The following FLRT2 variants were observed in gnomAD, a reference collection of about 807,000 sequenced individuals.
The protein encoded by FLRT2 is fibronectin leucine rich transmembrane protein 2.
FLRT2 carries 15 observed loss-of-function variants against 40.0 expected under a neutral mutation model. That is an observed-to-expected ratio of 0.38 (90% CI 0.25 to 0.58). The LOEUF (loss-of-function observed/expected upper bound fraction) is 0.58, where lower values mean the gene tolerates loss of function less well. FLRT2 is among the 20% of genes least tolerant of loss of function. FLRT2 has a pLI of 0.71. For missense variants in FLRT2, 726 were observed against 840.0 expected (o/e 0.86, Z 1.68); for synonymous variants, 380 against 336.8 (o/e 1.13, Z -1.41).
At chr14:85,588,009 G>A (rs533720626) in intron 1 of FLRT2, among the ~76,000 whole-genome samples, 33 of 151,778 alleles carry the variant, frequency 2.2e-4, no homozygotes, top group Non-Finnish European at 4.3e-4. Context: ...TCAGCTCACC[G>A]CAATCTCGGC....
chr14:85,535,892 G>GTTTTGTTTT (rs1566713949), intron 1 of FLRT2, among the ~76,000 whole-genome samples: 3 of 57,906 alleles, frequency 5.2e-5, no homozygotes, highest in Admixed American at 2.3e-4. Context: ...AAGGAATGCT[G>GTTTTGTTTT]TTTTTTTTTT....
rs189433823 is a variant in FLRT2, at chr14:85,570,736, C to A, written c.-377+40202C>A. Reference sequence around the variant, plus strand: ...AGCTGGGACTCCAGGCACCCGCCACCATGCCTGGCTAATTTTTTGTATTTT... The same window carrying A: ...AGCTGGGACTCCAGGCACCCGCCACAATGCCTGGCTAATTTTTTGTATTTT... On this transcript the variant is annotated intron_variant, in intron 1 of 1. Transcript: ENST00000330753. Among the ~76,000 whole-genome samples, 155 of 151,960 alleles carry A rather than the reference C, an allele frequency of 1.0e-3. 4 individuals are homozygous for A. Among genetic ancestry groups the A allele is most frequent in the Admixed American group, 1.0e-2 (152 of 15,268 alleles).
chr14:85,592,521 C>T (rs1188816655), intron 1 of FLRT2, among the ~76,000 whole-genome samples: 2 of 151,950 alleles, frequency 1.3e-5, no homozygotes, highest in African/African-American at 2.4e-5. Flanking sequence ...GGTGCAGTGG[C>T]GCAACGGCTG....
chr14:85,628,797 T>C lies in FLRT2; in HGVS notation c.*5300T>C, dbSNP rs940191192. 1 of 152,214 alleles carries C rather than the reference T, an allele frequency of 6.6e-6. No individual in the cohort carries two copies. The highest frequency in any genetic ancestry group is 1.5e-5 in the Non-Finnish European group (1 of 68,038). 9.4% of individuals were successfully genotyped at this position (152,214 alleles called of 1,614,324 possible). On this transcript the variant is annotated 3_prime_UTR_variant, in exon 2 of 2. Coordinates refer to ENST00000330753, the MANE Select transcript of FLRT2 (RefSeq NM_013231.6). ...GGGATTTTATGTAAAGTAACATCTA[T>C]GCTATTCTTGGGTACTTTTGCCAAG...
chr14:85,602,410 G>A (rs568690707), intron 1 of FLRT2, among the ~76,000 whole-genome samples: 5 of 152,284 alleles, frequency 3.3e-5, no homozygotes, highest in Admixed American at 3.3e-4. Context: ...TTCTCAATTG[G>A]AAGGCGAGAT....
intron 1 of FLRT2, among the ~76,000 whole-genome samples, chr14:85,583,111 A>G (rs1427425900): frequency 6.6e-6 from 1 of 152,188 alleles, no homozygotes; most frequent in Non-Finnish European, 1.5e-5. Context: ...AACTGTGTGC[A>G]GAAAATCGTT....
At chr14:85,597,477 GT>G (rs1409274608) in intron 1 of FLRT2, among the ~76,000 whole-genome samples, 3 of 152,166 alleles carry the variant, frequency 2.0e-5, no homozygotes, top group Non-Finnish European at 2.9e-5. Context: ...GGCAAAGTCT[GT>G]GAGCTTATTT....
At chr14:85,595,627 T>G (rs1892104122) in intron 1 of FLRT2, among the ~76,000 whole-genome samples, 3 of 152,152 alleles carry the variant, frequency 2.0e-5, no homozygotes, top group African/African-American at 7.2e-5. Flanking sequence ...TTGAAGTCTA[T>G]ATGAAAAGAG....
intron 1 of FLRT2, among the ~76,000 whole-genome samples, chr14:85,620,259 T>C (rs935254875): frequency 1.3e-5 from 2 of 152,220 alleles, no homozygotes; most frequent in Admixed American, 6.5e-5. Flanking sequence ...TTCTTTTTTT[T>C]CTTTGAATGA....
At position 85,631,603 on chromosome 14, in the gene FLRT2, T is replaced by C. The variant is rs1399691440; in HGVS notation, c.*8106T>C. 1 of 152,148 alleles carries C rather than the reference T, an allele frequency of 6.6e-6. No homozygotes were observed. The highest frequency in any genetic ancestry group is 1.9e-4 in the East Asian group (1 of 5,182). 9.4% of individuals were successfully genotyped at this position (152,148 alleles called of 1,614,324 possible). A position where few individuals can be genotyped will look rare whatever the true frequency, so the allele number is the denominator to read the frequency against. On this transcript the variant is annotated 3_prime_UTR_variant, in exon 2 of 2. Transcript: ENST00000330753. The stretch of plus-strand genomic sequence containing the variant: ...AGTTCTGACTTGTGCAAAATTAGCC[T>C]TGCTCAAAGACCACAGTATGCGTTT...
Position 85,622,773 on chromosome 14 carries a change from C to G in FLRT2, c.1259C>G (p.Pro420Arg). 6.2e-7 allele frequency: 1 copy of G among 1,614,134 alleles called. No homozygotes were observed. The highest frequency in any genetic ancestry group is 8.5e-7 in the Non-Finnish European group (1 of 1,180,018). The part of the protein sequence containing the change: ...DWDGRERVTP[P>R]ISERIQLSIH... ...GATGGCAGAGAAAGAGTGACCCCACCTATTTCTGAACGGATCCAGCTCTCT... is the reference window on the plus strand; with the variant it reads ...GATGGCAGAGAAAGAGTGACCCCACGTATTTCTGAACGGATCCAGCTCTCT... The change falls in exon 2 of 2, where the codon CCT becomes CGT. Residue 420 changes from proline to arginine, a missense_variant. Pro to Arg is a moderately radical substitution (Grantham distance 103). Around this residue, in one of 3 missense-constraint regions of FLRT2, gnomAD observed 611 missense variants for 690.0 expected, o/e 0.89. Coordinates refer to ENST00000330753, the MANE Select transcript of FLRT2 (RefSeq NM_013231.6).
rs766109044 is a variant in FLRT2 at position 85,621,988 on chromosome 14, T to G, written c.474T>G (p.Ala158=). The change falls in exon 2 of 2, where the codon GCT becomes GCG. Residue 158 remains alanine, a synonymous_variant. Coordinates refer to ENST00000330753, the MANE Select transcript of FLRT2 (RefSeq NM_013231.6). The stretch of plus-strand genomic sequence containing the variant: ...TGGAAGACGGGGCCTTCCGGGAGGC[T>G]ATTAGCCTCAAATTGTTGTTTTTGT... The part of the protein sequence containing the change: ...VGVEDGAFRE[A]ISLKLLFLSK... 1 of 1,605,040 alleles carries G rather than the reference T, an allele frequency of 6.2e-7. No homozygotes were observed. Among genetic ancestry groups the G allele is most frequent in the Non-Finnish European group, 8.5e-7 (1 of 1,175,648 alleles).
intron 1 of FLRT2, chr14:85,560,986 G>A (rs373896001): frequency 5.3e-5 from 8 of 152,062 alleles, no homozygotes; most frequent in South Asian, 2.1e-4. Context: ...ACAGAAAAAC[G>A]CATGCTCCAA....
chr14:85,567,803 G>T (rs2139856164), intron 1 of FLRT2, among the ~76,000 whole-genome samples: 1 of 152,022 alleles, frequency 6.6e-6, no homozygotes, highest in South Asian at 2.1e-4. Context: ...ACCATGGCCG[G>T]CTACTTTTTG....
chr14:85,558,203 T>G (rs930411093), intron 1 of FLRT2, among the ~76,000 whole-genome samples: 1 of 152,208 alleles, frequency 6.6e-6, no homozygotes, highest in Non-Finnish European at 1.5e-5. Flanking sequence ...CATTTGGGTT[T>G]ATGCCCTATT....
rs1439051237 is a variant in FLRT2 at position 85,643,768 on chromosome 14, A to T, written c.*20271A>T. 6.6e-6 allele frequency: 1 copy of T among 152,180 alleles called. No homozygotes were observed. Among genetic ancestry groups the T allele is most frequent in the African/African-American group, 2.4e-5 (1 of 41,422 alleles). 9.4% of individuals were successfully genotyped at this position (152,180 alleles called of 1,614,324 possible). A position where few individuals can be genotyped will look rare whatever the true frequency, so the allele number is the denominator to read the frequency against. ...CTTTTAGATAGAGATGAAAGTGTAGATGCTGCCCACAAAATGTGCTCCCTG... is the reference window on the plus strand; with the variant it reads ...CTTTTAGATAGAGATGAAAGTGTAGTTGCTGCCCACAAAATGTGCTCCCTG... On this transcript the variant is annotated 3_prime_UTR_variant, in exon 2 of 2. Transcript: ENST00000330753.
At chr14:85,570,552 TTTTATTTATTTTA>T (rs1401443350) in intron 1 of FLRT2, among the ~76,000 whole-genome samples, 1 of 134,022 alleles carries the variant, frequency 7.5e-6, no homozygotes, top group Admixed American at 7.5e-5. Flanking sequence ...TTCTCCTTAT[TTTTATTTATTTTA>T]TTTATTTATT....
intron 1 of FLRT2, among the ~76,000 whole-genome samples, chr14:85,584,273 C>T (rs1434648203): frequency 6.6e-6 from 1 of 152,144 alleles, no homozygotes; most frequent in Non-Finnish European, 1.5e-5. Context: ...GAGATGGGCA[C>T]ATATGGCTGC....
In FLRT2 at chr14:85,652,499, C is replaced by T. The variant is rs369125872; in HGVS notation, c.*29002C>T. 17 of 151,114 alleles carry T rather than the reference C, an allele frequency of 1.1e-4. No individual in the cohort carries two copies. The highest frequency in any genetic ancestry group is 2.1e-4 in the South Asian group (1 of 4,766). 9.4% of individuals were successfully genotyped at this position (151,114 alleles called of 1,614,324 possible). A position where few individuals can be genotyped will look rare whatever the true frequency, so the allele number is the denominator to read the frequency against. On this transcript the variant is annotated 3_prime_UTR_variant, in exon 2 of 2. Coordinates refer to ENST00000330753, the MANE Select transcript of FLRT2 (RefSeq NM_013231.6). The stretch of plus-strand genomic sequence containing the variant: ...TTTTTTGAGAATTTTTTTCTTATAA[C>T]GTTCTTCATCTGATTAAACAAACAA...
Sources: gnomAD v4.1 joint callset for allele counts (sites outside exome capture counted in the v4.1 genomes callset) on GRCh38, gnomAD v4.1.1 for gene constraint, gnomAD v4.1.1 regional missense constraint, MANE v1.5 for transcripts, NCBI Gene and HGNC (gene_info 2026-07-23, HGNC 2026-07-21) for gene names.